Variants in TBC1D2B observed in about 807,000 individuals in gnomAD.
The protein encoded by TBC1D2B is TBC1 domain family, member 2B.
TBC1D2B carries 64 observed loss-of-function variants against 100.8 expected under a neutral mutation model. That is an observed-to-expected ratio of 0.64 (90% CI 0.52 to 0.78). The LOEUF (loss-of-function observed/expected upper bound fraction) is 0.78. TBC1D2B is among the 30% of genes least tolerant of loss of function. The pLI is 0.00. For missense variants in TBC1D2B, 1,052 were observed against 1,218.4 expected, an observed-to-expected ratio of 0.86 and a Z score of 2.03; for synonymous variants, 480 against 479.7, an observed-to-expected ratio of 1.00 and a Z score of -0.01.
chr15:78,015,162 C>CT (rs1250132964), intron 8 of TBC1D2B, among the ~76,000 whole-genome samples: 1 of 152,028 alleles, frequency 6.6e-6, no homozygotes, highest in Non-Finnish European at 1.5e-5. Flanking sequence ...GATTGTGCCA[C>CT]TGTACTCCAG....
chr15:78,037,513 G>A (rs1161621444), intron 3 of TBC1D2B, among the ~76,000 whole-genome samples: 4 of 152,162 alleles, frequency 2.6e-5, no homozygotes, highest in Non-Finnish European at 5.9e-5. Context: ...CAGGACTCAC[G>A]GGCTCGCCTG....
chr15:78,041,336 G>C (rs1038308459), intron 3 of TBC1D2B, among the ~76,000 whole-genome samples: 1 of 152,220 alleles, frequency 6.6e-6, no homozygotes, highest in Non-Finnish European at 1.5e-5. Flanking sequence ...CTGATTCTTG[G>C]TAGGTCTGTA....
Position 78,025,280 on chromosome 15 carries a change from CTT to C in TBC1D2B, c.1063_1064del (p.Lys355GlufsTer23). Reference protein sequence around the residue: ...QSQQEELEQLKKDLSSQKELV... With the variant: ...QSQQEELEQLXKDLSSQKELV... Reference sequence around the variant, plus strand: ...TTACCTTCTGACTGGACAGGTCTTTCTTTAACTGTTCCAGCTCTTCCTGCTGG... The same window carrying C: ...TTACCTTCTGACTGGACAGGTCTTTCTAACTGTTCCAGCTCTTCCTGCTGG... On this transcript the variant is annotated frameshift_variant, in exon 5 of 13. Coordinates refer to ENST00000300584, the MANE Select transcript of TBC1D2B (RefSeq NM_144572.2). LOFTEE classifies it high-confidence loss of function. 6.2e-7 allele frequency: 1 copy of C among 1,613,728 alleles called. No homozygotes were observed. The highest frequency in any genetic ancestry group is 8.5e-7 in the Non-Finnish European group (1 of 1,179,884).
chr15:78,001,712 A>C lies in TBC1D2B; in HGVS notation c.2603T>G (p.Phe868Cys), dbSNP rs747760661. ...CAAAATCTCCTCTTCCTTGTACTTA[A>C]AAAGTGCCAGAGCAAAACGGAAAAT... Reference protein sequence around the residue: ...KVIFRFALALFKYKEEEILKL... With the variant: ...KVIFRFALALCKYKEEEILKL... The change falls in exon 12 of 13, where the codon TTT becomes TGT. Residue 868 changes from phenylalanine to cysteine, a missense_variant. Phe to Cys is a radical substitution (Grantham distance 205). Transcript: ENST00000300584. The C allele has an allele frequency of 6.2e-7, 1 of 1,608,822 alleles. No homozygotes were observed. The highest frequency in any genetic ancestry group is 2.2e-5 in the East Asian group (1 of 44,800).
intron 3 of TBC1D2B, among the ~76,000 whole-genome samples, chr15:78,039,123 G>A (rs2073014917): frequency 6.6e-6 from 1 of 152,216 alleles, no homozygotes. Context: ...ATGTCTGTGT[G>A]AGGCAGCAGC....
chr15:78,050,206 G>A (rs922844874), intron 2 of TBC1D2B, among the ~76,000 whole-genome samples: 3 of 151,888 alleles, frequency 2.0e-5, no homozygotes, highest in Non-Finnish European at 2.9e-5. Context: ...CTCCTCCCAC[G>A]CCATCCCCTT....
chr15:78,039,167 C>G (rs1207270987), intron 3 of TBC1D2B, among the ~76,000 whole-genome samples: 1 of 152,212 alleles, frequency 6.6e-6, no homozygotes. Flanking sequence ...TCTTGGCAGA[C>G]ATAGCTGTGC....
intron 1 of TBC1D2B, among the ~76,000 whole-genome samples, chr15:78,072,686 C>T (rs952845273): frequency 3.3e-5 from 5 of 152,180 alleles, no homozygotes; most frequent in African/African-American, 7.2e-5. Context: ...CATTTGCTGA[C>T]GGTCTGATGA....
chr15:78,028,632 G>A (rs957506214), intron 4 of TBC1D2B, among the ~76,000 whole-genome samples: 12 of 152,184 alleles, frequency 7.9e-5, no homozygotes, highest in Non-Finnish European at 1.6e-4. Flanking sequence ...CTTCAGATGC[G>A]ATACGATAGG....
chr15:78,075,400 G>A (rs1205940762), intron 1 of TBC1D2B, among the ~76,000 whole-genome samples: 3 of 151,974 alleles, frequency 2.0e-5, no homozygotes, highest in Admixed American at 6.6e-5. Flanking sequence ...GGGTGTCACC[G>A]TGTTAGCCAG....
In TBC1D2B at chr15:78,077,675, G is replaced by T; in HGVS notation, c.-23C>A. ...CATCGCTACCGCGCGCCAACCGTAGGCGCCCGCGCCCTGCGCCTCCGCGCC... is the reference window on the plus strand; with the variant it reads ...CATCGCTACCGCGCGCCAACCGTAGTCGCCCGCGCCCTGCGCCTCCGCGCC... On this transcript the variant is annotated 5_prime_UTR_variant, in exon 1 of 13. Coordinates refer to ENST00000300584, the MANE Select transcript of TBC1D2B (RefSeq NM_144572.2). 1.0e-6 allele frequency: 1 copy of T among 986,476 alleles called. No homozygotes were observed. The highest frequency in any genetic ancestry group is 4.5e-5 in the South Asian group (1 of 22,096). The allele number at this position is 986,476 out of a possible 1,614,324, so 61.1% of individuals were successfully genotyped here.
At chr15:78,037,580 C>T (rs1163264250) in intron 3 of TBC1D2B, among the ~76,000 whole-genome samples, 4 of 149,960 alleles carry the variant, frequency 2.7e-5, no homozygotes, top group Non-Finnish European at 5.9e-5. Flanking sequence ...GCCTCTTACC[C>T]AAGGGAACAT....
intron 1 of TBC1D2B, among the ~76,000 whole-genome samples, chr15:78,058,040 G>A (rs1013576915): frequency 2.6e-5 from 4 of 152,188 alleles, no homozygotes; most frequent in Admixed American, 1.3e-4. Context: ...CTAGCCAGAC[G>A]TGACTACTGA....
rs1413037106 is a variant in TBC1D2B at position 78,012,987 on chromosome 15, T to C, written c.2106A>G (p.Lys702=). Residue 702 remains lysine (K), a synonymous_variant, in exon 9 of 13, where the codon AAA becomes AAG. Transcript: ENST00000300584. Reference sequence around the variant, plus strand: ...CAATCTGCTTGGAGGCTGGGTTCTGTTTCTCCAGCGCCTTCTGCAGCAAGG... The same window carrying C: ...CAATCTGCTTGGAGGCTGGGTTCTGCTTCTCCAGCGCCTTCTGCAGCAAGG... ...FQTLLQKALE[K]QNPASKQIEL... The C allele has an allele frequency of 3.1e-6, 5 of 1,596,490 alleles. No homozygotes were observed. Among genetic ancestry groups the C allele is most frequent in the Non-Finnish European group, 4.3e-6 (5 of 1,167,670 alleles).
At chr15:78,028,568 C>T (rs1025185326) in intron 4 of TBC1D2B, among the ~76,000 whole-genome samples, 11 of 152,182 alleles carry the variant, frequency 7.2e-5, no homozygotes, top group African/African-American at 1.4e-4. Context: ...AAGATGACAA[C>T]GCTAAATCCT....
intron 6 of TBC1D2B, among the ~76,000 whole-genome samples, chr15:78,018,825 T>C (rs533562316): frequency 6.6e-6 from 1 of 152,292 alleles, no homozygotes; most frequent in African/African-American, 2.4e-5. Context: ...ACTTTCCTAA[T>C]AATAAAAACA....
intron 2 of TBC1D2B, among the ~76,000 whole-genome samples, chr15:78,047,163 CT>C (rs540479850): frequency 0.057 from 7,781 of 136,864 alleles, 404 homozygotes; most frequent in African/African-American, 0.16. Context: ...AGAGTATACA[CT>C]TTTTTTTTTT....
At chr15:78,056,544 A>C (rs967606206) in intron 1 of TBC1D2B, among the ~76,000 whole-genome samples, 10 of 152,240 alleles carry the variant, frequency 6.6e-5, no homozygotes, top group Non-Finnish European at 2.9e-5. Context: ...GTGCAGACAC[A>C]GGAGCTCAGC....
chr15:78,036,449 A>C lies in TBC1D2B; in HGVS notation c.684-6279T>G, dbSNP rs112588186. Among the ~76,000 whole-genome samples, 461 of 152,300 alleles carry C rather than the reference A, an allele frequency of 3.0e-3. 1 individual carries two copies. Among genetic ancestry groups the C allele is most frequent in the Non-Finnish European group, 5.6e-3 (381 of 68,026 alleles). On this transcript the variant is annotated intron_variant, in intron 3 of 12. Coordinates refer to ENST00000300584, the MANE Select transcript of TBC1D2B (RefSeq NM_144572.2). ...CCATTAAGAGGTGATTAGGCCATGA[A>C]GGCTCAGTCTTCACGAATGGATTAA...
Sources: allele counts gnomAD v4.1 joint callset (sites outside exome capture counted in the v4.1 genomes callset), GRCh38; gene constraint gnomAD v4.1.1; transcripts MANE v1.5; gene names NCBI Gene and HGNC (gene_info 2026-07-23, HGNC 2026-07-21).